The following TAC4 variants were observed in gnomAD, a reference collection of about 807,000 sequenced individuals.
TAC4 encodes tachykinin precursor 4.
TAC4 carries 17 observed loss-of-function variants against 17.7 expected under a neutral mutation model. The ratio of observed to expected loss-of-function variants is 0.96; its 90% CI spans 0.66 to 1.44. The LOEUF is 1.44. Ranked by LOEUF, TAC4 falls within the 40% of genes most tolerant of loss-of-function variation. The pLI, the probability that TAC4 is intolerant of heterozygous loss-of-function variation, is 0.00. For synonymous variants in TAC4, 62 were observed against 52.4 expected, an observed-to-expected ratio of 1.18 and a Z score of -0.79; for missense variants, 118 against 125.6, an observed-to-expected ratio of 0.94 and a Z score of 0.29.
Position 49,839,844 on chromosome 17 carries a change from GCCTA to G in TAC4, c.292+2_292+5del, listed in dbSNP as rs1476560451. 6.2e-7 allele frequency: 1 copy of G among 1,609,308 alleles called. No individual in the cohort carries two copies. The highest frequency in any genetic ancestry group is 8.5e-7 in the Non-Finnish European group (1 of 1,177,926). On this transcript the variant is annotated splice_donor_variant and splice_donor_5th_base_variant and intron_variant, in intron 4 of 4. Transcript: ENST00000436235. LOFTEE classifies it high-confidence loss of function. ...GCCCTTGCAACCACCAGCGGCTCTT[GCCTA>G]CCTTCTGTGAACAGGCTTCTCTTGC...
chr17:49,842,704 G>A (rs2074507716), intron 2 of TAC4, among the ~76,000 whole-genome samples: 2 of 152,086 alleles, frequency 1.3e-5, no homozygotes, highest in Admixed American at 1.3e-4. Flanking sequence ...GTTTGTACAA[G>A]TAAAATTTAA....
At chr17:49,841,615 G>A in intron 2 of TAC4, 31 bp from the exon 3 acceptor site, 3 of 1,536,536 alleles carry the variant, frequency 2.0e-6, no homozygotes, top group Non-Finnish European at 2.6e-6. Flanking sequence ...GAGGACTACG[G>A]ACTGCACTGC....
At chr17:49,846,120 A>T in intron 1 of TAC4, 1 of 976,376 alleles carries the variant, frequency 1.0e-6, no homozygotes, top group South Asian at 1.4e-5. Context: ...ATTCGGAGAC[A>T]TTGGTTTCCC....
intron 4 of TAC4, among the ~76,000 whole-genome samples, chr17:49,839,301 CA>C (rs1487512012): frequency 6.6e-6 from 1 of 152,170 alleles, no homozygotes; most frequent in Non-Finnish European, 1.5e-5. Context: ...GACCTTTCCC[CA>C]ACCTGATTGA....
At chr17:49,839,733 G>A in intron 4 of TAC4, 117 bp downstream of exon 4, 1 of 958,514 alleles carries the variant, frequency 1.0e-6, no homozygotes. Context: ...GCCTCCCCAT[G>A]ATGGCTTGTG....
chr17:49,845,216 G>A (rs73337045), intron 1 of TAC4, among the ~76,000 whole-genome samples: 3,577 of 152,300 alleles, frequency 0.023, 134 homozygotes, highest in African/African-American at 0.081. Context: ...GAAGGAAGTG[G>A]CATGTGGTCT....
intron 2 of TAC4, among the ~76,000 whole-genome samples, chr17:49,842,005 G>A (rs1349437453): frequency 7.1e-6 from 1 of 141,528 alleles, no homozygotes; most frequent in Admixed American, 7.8e-5. Flanking sequence ...CCAGGTTCAC[G>A]CCATTCTCCT....
intron 2 of TAC4, 117 bp downstream of exon 2, chr17:49,843,947 C>T: frequency 1.2e-6 from 1 of 863,532 alleles, no homozygotes. Flanking sequence ...TGAGCGACCC[C>T]TACTGGACTG....
chr17:49,842,452 C>A (rs1002185613), intron 2 of TAC4, among the ~76,000 whole-genome samples: 3 of 151,826 alleles, frequency 2.0e-5, no homozygotes, highest in Non-Finnish European at 4.4e-5. Context: ...ATTGCTTGAA[C>A]CCGGGAGGCA....
intron 1 of TAC4, chr17:49,847,688 C>CACAG: frequency 2.3e-6 from 1 of 433,570 alleles, no homozygotes; most frequent in Non-Finnish European, 4.0e-6. Context: ...CACACACACA[C>CACAG]ACAGACACAC....
chr17:49,844,938 CTG>C (rs1440746280), intron 1 of TAC4, among the ~76,000 whole-genome samples: 1 of 152,166 alleles, frequency 6.6e-6, no homozygotes, highest in Non-Finnish European at 1.5e-5. Context: ...GATGGAGAAA[CTG>C]AGATGTAAGG....
intron 3 of TAC4, 111 bp downstream of exon 3, chr17:49,841,441 T>G: frequency 1.7e-6 from 2 of 1,172,868 alleles, no homozygotes; most frequent in Non-Finnish European, 2.3e-6. Context: ...AATGCCAGCC[T>G]GGCTTGCCCC....
chr17:49,847,117 G>A (rs1379074888), intron 1 of TAC4: 4 of 1,289,826 alleles, frequency 3.1e-6, no homozygotes, highest in Non-Finnish European at 4.0e-6. Flanking sequence ...ACCTCATCGT[G>A]GCCCAGGACC....
intron 2 of TAC4, among the ~76,000 whole-genome samples, chr17:49,843,750 T>G (rs1233557195): frequency 6.6e-6 from 1 of 152,100 alleles, no homozygotes; most frequent in African/African-American, 2.4e-5. Context: ...CGTGCCACCA[T>G]GTCTGTCTAA....
intron 1 of TAC4, chr17:49,846,277 C>CG: frequency 8.8e-7 from 1 of 1,142,750 alleles, no homozygotes; most frequent in Non-Finnish European, 1.1e-6. Context: ...CCTGTTACCT[C>CG]ATTTTTTTTT....
intron 2 of TAC4, among the ~76,000 whole-genome samples, chr17:49,842,877 T>C (rs1567874661): frequency 6.6e-6 from 1 of 152,264 alleles, no homozygotes; most frequent in African/African-American, 2.4e-5. Context: ...TATTGATCTG[T>C]AACATGCTTT....
rs1277235267 is a variant in TAC4 at position 49,847,912 on chromosome 17, C to G, written c.105+1G>C. 3 of 1,614,050 alleles carry G rather than the reference C, an allele frequency of 1.9e-6. No homozygotes were observed. The highest frequency in any genetic ancestry group is 1.6e-4 in the Middle Eastern group (1 of 6,062). ...AAAAGTACCTCCAAGGCCACAATTA[C>G]CCAGGTCTCTGCTTCAGTGCTGAGT... On this transcript the variant is annotated splice_donor_variant, in intron 1 of 4. Coordinates refer to ENST00000436235, the MANE Select transcript of TAC4 (RefSeq NM_001077506.2). LOFTEE classifies it high-confidence loss of function.
chr17:49,843,617 G>T (rs2074514403), intron 2 of TAC4, among the ~76,000 whole-genome samples: 1 of 152,120 alleles, frequency 6.6e-6, no homozygotes, highest in Admixed American at 6.5e-5. Context: ...TTTTTGAGAT[G>T]GAGTCTCGCT....
rs1426226084 is a variant in TAC4 at position 49,847,945 on chromosome 17, C to T, written c.73G>A (p.Glu25Lys). The change falls in exon 1 of 5, where the codon GAA becomes AAA. Residue 25 changes from glutamate to lysine, a missense_variant. Physicochemically the swap from Glu to Lys is moderately conservative, Grantham distance 56 (BLOSUM62 1). Transcript: ENST00000436235. ...VCTVAGDGGEEQTLSTEAETW... is the reference protein window; with the variant it reads ...VCTVAGDGGEKQTLSTEAETW... ...TCTGCTTCAGTGCTGAGTGTCTGTT[C>T]CTCTCCACCATCACCTGCCACAGTG... 6.2e-7 allele frequency: 1 copy of T among 1,614,164 alleles called. No homozygotes were observed. Among genetic ancestry groups the T allele is most frequent in the Non-Finnish European group, 8.5e-7 (1 of 1,180,032 alleles).
Sources: allele counts gnomAD v4.1 joint callset (sites outside exome capture counted in the v4.1 genomes callset), GRCh38; gene constraint gnomAD v4.1.1; transcripts MANE v1.5; gene names NCBI Gene and HGNC (gene_info 2026-07-23, HGNC 2026-07-21).